The following ANKRD30BL variants were observed in gnomAD, a reference collection of about 807,000 sequenced individuals.
ANKRD30BL encodes putative ankyrin repeat domain-containing protein 30B-like.
ANKRD30BL carries 20 observed loss-of-function variants against 18.4 expected under a neutral mutation model. That is an observed-to-expected ratio of 1.09 (90% CI 0.77 to 1.58). The LOEUF is 1.58. ANKRD30BL is among the 40% of genes most tolerant of loss of function. The probability of loss-of-function intolerance (pLI) is 0.00; values close to 1 mark genes in which losing one functional copy is unlikely to be tolerated. For synonymous variants in ANKRD30BL, 72 were observed against 100.9 expected, an observed-to-expected ratio of 0.71 and a Z score of 1.72; for missense variants, 224 against 268.6, an observed-to-expected ratio of 0.83 and a Z score of 1.16.
At chr2:132,256,852 G>C (rs796883354) in intron 1 of ANKRD30BL, 4 of 421,302 alleles carry the variant, frequency 9.5e-6, no homozygotes, top group Non-Finnish European at 1.9e-5. Flanking sequence ...AGCCTAAGGC[G>C]GTGAGCCGCT....
chr2:132,211,884 G>T (rs549118553), intron 1 of ANKRD30BL, among the ~76,000 whole-genome samples: 2 of 151,940 alleles, frequency 1.3e-5, no homozygotes, highest in South Asian at 4.2e-4. Flanking sequence ...GCGCTTTGTG[G>T]CCTAAGGTGG....
chr2:132,217,782 T>C (rs1216480236), intron 1 of ANKRD30BL, among the ~76,000 whole-genome samples: 1 of 152,296 alleles, frequency 6.6e-6, no homozygotes, highest in Non-Finnish European at 1.5e-5. Context: ...TATCTTCACA[T>C]AAACTCTAGA....
intron 1 of ANKRD30BL, among the ~76,000 whole-genome samples, chr2:132,174,696 GA>G (rs1688332194): frequency 6.6e-6 from 1 of 152,214 alleles, no homozygotes; most frequent in African/African-American, 2.4e-5. Flanking sequence ...GACAGTTTAA[GA>G]AGTCAGATCT....
intron 1 of ANKRD30BL, among the ~76,000 whole-genome samples, chr2:132,203,965 A>G (rs1679159368): frequency 6.6e-6 from 1 of 152,146 alleles, no homozygotes; most frequent in African/African-American, 2.4e-5. Context: ...TCATTTTATG[A>G]TATATCTGAT....
intron 4 of ANKRD30BL, chr2:132,152,774 A>G (rs1444650927): frequency 6.6e-6 from 1 of 152,178 alleles, no homozygotes; most frequent in East Asian, 1.9e-4. Flanking sequence ...GGCTAGAGAA[A>G]ATAGAAAAAA....
intron 1 of ANKRD30BL, among the ~76,000 whole-genome samples, chr2:132,221,010 C>T (rs1287963135): frequency 5.5e-5 from 8 of 145,252 alleles, no homozygotes; most frequent in African/African-American, 7.9e-5. Context: ...ACCTCTGCCC[C>T]GCCGCCCTGT....
At chr2:132,162,301 T>TGGCGCTGGC (rs1236844722), upstream of ANKRD30BL, among the ~76,000 whole-genome samples, 62 of 152,274 alleles carry the variant, frequency 4.1e-4, no homozygotes, top group African/African-American at 1.3e-3. Flanking sequence ...GCGCGGCTGG[T>TGGCGCTGGC]GGCGCTGGCA....
intron 1 of ANKRD30BL, among the ~76,000 whole-genome samples, chr2:132,190,662 A>G (rs999803424): frequency 3.3e-5 from 5 of 152,202 alleles, no homozygotes; most frequent in African/African-American, 4.8e-5. Context: ...TGAGTTTAGC[A>G]TGGAGAAATA....
chr2:132,212,290 C>A lies in ANKRD30BL; in HGVS notation n.441+45239G>T, dbSNP rs1175244971. Among the ~76,000 whole-genome samples the A allele has an allele frequency of 2.6e-5, 4 of 151,518 alleles. No homozygotes were observed. In the South Asian group the frequency reaches 8.3e-4, roughly 32 times the overall value. On this transcript the variant is annotated intron_variant and non_coding_transcript_variant, in intron 1 of 4. Transcript: ENST00000470729. ...GAGCTTTGAGGCCTAAGGCAGAAAA[C>A]AAAATATTTTCCTATTATAATTAGA...
At chr2:132,185,644 G>A (rs889140717) in intron 1 of ANKRD30BL, among the ~76,000 whole-genome samples, 8 of 152,284 alleles carry the variant, frequency 5.3e-5, no homozygotes, top group African/African-American at 1.7e-4. Flanking sequence ...ATTATGTGAT[G>A]TTCATGAGGT....
In ANKRD30BL at chr2:132,183,459, T is replaced by C. The variant is rs141877259; in HGVS notation, n.442-26313A>G. Among the ~76,000 whole-genome samples, 333 of 152,190 alleles carry C rather than the reference T, an allele frequency of 2.2e-3. 4 individuals are homozygous for C. Among genetic ancestry groups the C allele is most frequent in the African/African-American group, 7.6e-3 (316 of 41,514 alleles). On this transcript the variant is annotated intron_variant and non_coding_transcript_variant, in intron 1 of 4. Transcript: ENST00000470729. Reference sequence around the variant, plus strand: ...TAGAATATTTAATGCTTCATAAATATGACGTAAAAAAGGGTGAGCTGTAAA... The same window carrying C: ...TAGAATATTTAATGCTTCATAAATACGACGTAAAAAAGGGTGAGCTGTAAA...
At chr2:132,235,964 C>T (rs1037899227) in intron 1 of ANKRD30BL, among the ~76,000 whole-genome samples, 73 of 152,248 alleles carry the variant, frequency 4.8e-4, no homozygotes, top group African/African-American at 1.7e-3. Context: ...GTAACCAAAA[C>T]AGCATGGTAC....
At chr2:132,181,252 T>C (rs1688455686) in intron 1 of ANKRD30BL, among the ~76,000 whole-genome samples, 1 of 151,878 alleles carries the variant, frequency 6.6e-6, no homozygotes, top group Non-Finnish European at 1.5e-5. Flanking sequence ...CGTGGGCGGA[T>C]TGCCTGAGCT....
chr2:132,184,494 T>G (rs1212197354), intron 1 of ANKRD30BL, among the ~76,000 whole-genome samples: 1 of 152,220 alleles, frequency 6.6e-6, no homozygotes, highest in Non-Finnish European at 1.5e-5. Context: ...ATTCAAATAA[T>G]AAACTTTACT....
At chr2:132,220,999 C>T (rs1315980187) in intron 1 of ANKRD30BL, among the ~76,000 whole-genome samples, 3 of 150,276 alleles carry the variant, frequency 2.0e-5, no homozygotes, top group African/African-American at 4.9e-5. Context: ...AGGTGGGGAG[C>T]ACCTCTGCCC....
chr2:132,166,526 A>G (rs1015158961), upstream of ANKRD30BL, among the ~76,000 whole-genome samples: 4 of 152,142 alleles, frequency 2.6e-5, no homozygotes, highest in South Asian at 2.1e-4. Context: ...GAGTATTGGC[A>G]TATTGTGTCT....
intron 1 of ANKRD30BL, among the ~76,000 whole-genome samples, chr2:132,188,892 T>A (rs1678784504): frequency 6.6e-6 from 1 of 152,136 alleles, no homozygotes; most frequent in African/African-American, 2.4e-5. Context: ...ACTAGACAAC[T>A]GAGGTTGCCT....
intron 1 of ANKRD30BL, among the ~76,000 whole-genome samples, chr2:132,221,470 G>A (rs1177886464): frequency 7.7e-5 from 9 of 116,552 alleles, no homozygotes; most frequent in South Asian, 2.7e-4. Flanking sequence ...GGTGAGGGGC[G>A]CCTCTGCCTG....
At chr2:132,252,970 C>A (rs190953642) in intron 1 of ANKRD30BL, among the ~76,000 whole-genome samples, 100 of 152,014 alleles carry the variant, frequency 6.6e-4, no homozygotes, top group Non-Finnish European at 8.4e-4. Context: ...CCCTTCCCCA[C>A]GCCACCCAAC....
Sources: allele counts gnomAD v4.1 joint callset (sites outside exome capture counted in the v4.1 genomes callset), GRCh38; gene constraint gnomAD v4.1.1; transcripts MANE v1.5; gene names NCBI Gene and HGNC (gene_info 2026-07-23, HGNC 2026-07-21).